Variants in CDC14B observed in about 807,000 individuals in gnomAD.
The protein encoded by CDC14B is cell division cycle 14B.
CDC14B carries 22 observed loss-of-function variants against 64.2 expected under a neutral mutation model. The observed-to-expected ratio is 0.34, with a 90% CI of 0.24 to 0.49. The LOEUF is 0.49. CDC14B is among the 20% of genes least tolerant of loss of function. The pLI is 0.99. For synonymous variants in CDC14B, 191 were observed against 215.8 expected, an observed-to-expected ratio of 0.89 and a Z score of 1.01; for missense variants, 498 against 629.9, an observed-to-expected ratio of 0.79 and a Z score of 2.24.
intron 3 of CDC14B, among the ~76,000 whole-genome samples, chr9:96,564,169 C>T (rs978428227): frequency 6.6e-6 from 1 of 152,026 alleles, no homozygotes; most frequent in Non-Finnish European, 1.5e-5. Context: ...AACTTCCTAC[C>T]GTGCATGGCC....
intron 1 of CDC14B, among the ~76,000 whole-genome samples, chr9:96,588,455 T>C (rs1845580936): frequency 6.6e-6 from 1 of 152,224 alleles, no homozygotes; most frequent in Non-Finnish European, 1.5e-5. Context: ...GAGTTAGTTT[T>C]ATCCAGAATA....
intron 1 of CDC14B, among the ~76,000 whole-genome samples, chr9:96,617,783 G>C (rs1847724112): frequency 6.6e-6 from 1 of 152,142 alleles, no homozygotes; most frequent in Non-Finnish European, 1.5e-5. Flanking sequence ...TTGGAGTTCT[G>C]TACCATGTAA....
At chr9:96,524,064 G>A (rs1162531572) in intron 9 of CDC14B, among the ~76,000 whole-genome samples, 3 of 152,160 alleles carry the variant, frequency 2.0e-5, no homozygotes, top group Non-Finnish European at 2.9e-5. Flanking sequence ...AGCCTCCCAA[G>A]TAGCTGGGAT....
chr9:96,530,380 C>A (rs1370063245), intron 9 of CDC14B, among the ~76,000 whole-genome samples: 1 of 151,384 alleles, frequency 6.6e-6, no homozygotes, highest in African/African-American at 2.4e-5. Flanking sequence ...GCAACCTCCA[C>A]CTCCCAGATT....
chr9:96,548,987 G>T (rs1253699269), intron 5 of CDC14B, among the ~76,000 whole-genome samples: 1 of 152,128 alleles, frequency 6.6e-6, no homozygotes, highest in Non-Finnish European at 1.5e-5. Context: ...AAGATACAAA[G>T]AATATAATGT....
intron 5 of CDC14B, among the ~76,000 whole-genome samples, chr9:96,543,070 C>G (rs1471604072): frequency 1.3e-5 from 2 of 151,992 alleles, no homozygotes; most frequent in East Asian, 3.9e-4. Flanking sequence ...GGCACAGTGG[C>G]TAACGCCTGT....
chr9:96,559,565 C>CAGG, intron 4 of CDC14B, among the ~76,000 whole-genome samples: 1 of 152,272 alleles, frequency 6.6e-6, no homozygotes, highest in East Asian at 1.9e-4. Context: ...TTCAGGTGTC[C>CAGG]ATATTATATC....
At chr9:96,609,649 A>G (rs1847184913) in intron 1 of CDC14B, among the ~76,000 whole-genome samples, 1 of 152,236 alleles carries the variant, frequency 6.6e-6, no homozygotes, top group Non-Finnish European at 1.5e-5. Flanking sequence ...GGCTTTGCAG[A>G]ATTCAGAATT....
intron 1 of CDC14B, among the ~76,000 whole-genome samples, chr9:96,593,451 C>T (rs1396499686): frequency 1.4e-5 from 2 of 146,326 alleles, no homozygotes; most frequent in Admixed American, 1.4e-4. Context: ...GGCACCACTG[C>T]ACTCCAGAAC....
chr9:96,496,987 C>T (rs1186895210), downstream of CDC14B, among the ~76,000 whole-genome samples: 1 of 152,238 alleles, frequency 6.6e-6, no homozygotes, highest in African/African-American at 2.4e-5. Flanking sequence ...ACGCTGCATT[C>T]CCCGGAGTCC....
At chr9:96,498,407 A>C (rs1317163612), downstream of CDC14B, among the ~76,000 whole-genome samples, 4 of 152,202 alleles carry the variant, frequency 2.6e-5, no homozygotes, top group Admixed American at 2.0e-4. Flanking sequence ...TGCACTTTCC[A>C]CGGCAACTTG....
At chr9:96,614,287 G>C (rs1425947264) in intron 1 of CDC14B, among the ~76,000 whole-genome samples, 2 of 151,072 alleles carry the variant, frequency 1.3e-5, no homozygotes, top group Non-Finnish European at 2.9e-5. Flanking sequence ...TTTTGCCCAG[G>C]CTAGAGTGCT....
intron 3 of CDC14B, among the ~76,000 whole-genome samples, chr9:96,563,779 A>T (rs977102557): frequency 6.6e-6 from 1 of 152,194 alleles, no homozygotes; most frequent in Non-Finnish European, 1.5e-5. Flanking sequence ...ATTAAAGCAA[A>T]GGAACAAATG....
intron 5 of CDC14B, 149 bp downstream of exon 5, chr9:96,551,647 G>A (rs1171921995): frequency 1.8e-6 from 2 of 1,099,812 alleles, no homozygotes; most frequent in Admixed American, 2.9e-5. Context: ...CGTCAACAGT[G>A]TCACTGTGGA....
At chr9:96,533,885 C>T in intron 9 of CDC14B, 42 bp downstream of exon 9, 1 of 1,251,978 alleles carries the variant, frequency 8.0e-7, no homozygotes, top group Non-Finnish European at 1.1e-6. Context: ...TATTCATATA[C>T]TCATACTGTA....
chr9:96,518,813 CT>C (rs1836173538), intron 12 of CDC14B, among the ~76,000 whole-genome samples: 1 of 152,136 alleles, frequency 6.6e-6, no homozygotes, highest in African/African-American at 2.4e-5. Context: ...TAGATGGTTA[CT>C]TTTTCCTCTA....
intron 4 of CDC14B, among the ~76,000 whole-genome samples, chr9:96,554,262 G>A (rs1587943523): frequency 6.6e-6 from 1 of 152,268 alleles, no homozygotes; most frequent in African/African-American, 2.4e-5. Flanking sequence ...AATAGAGTCT[G>A]ATTCATCTGT....
intron 7 of CDC14B, among the ~76,000 whole-genome samples, chr9:96,534,991 AC>A (rs1483618134): frequency 6.6e-6 from 1 of 152,170 alleles, no homozygotes; most frequent in African/African-American, 2.4e-5. Flanking sequence ...AAAACTATCT[AC>A]TTAGGTTTCT....
Position 96,523,368 on chromosome 9 carries a change from C to T in CDC14B, c.1138G>A (p.Gly380Arg), listed in dbSNP as rs145918500. Residue 380 changes from glycine (G) to arginine (R), a missense_variant, in exon 11 of 14, where the codon GGG becomes AGG. Coordinates refer to ENST00000375241, the MANE Select transcript of CDC14B (RefSeq NM_033331.4). Reference sequence around the variant, plus strand: ...GCTCTGTGTTGTCCATTCTCCTGCCCCTTTAACTTCTGACGAAAATAGTCC... The same window carrying T: ...GCTCTGTGTTGTCCATTCTCCTGCCTCTTTAACTTCTGACGAAAATAGTCC... ...EGDYFRQKLK[G>R]QENGQHRAAF... 2.2e-4 allele frequency: 352 copies of T among 1,614,126 alleles called. 1 individual carries two copies. In the African/African-American group the frequency reaches 3.7e-3, roughly 17 times the overall value.
Sources: gnomAD v4.1 joint callset for allele counts (sites outside exome capture counted in the v4.1 genomes callset) on GRCh38, gnomAD v4.1.1 for gene constraint, MANE v1.5 for transcripts, NCBI Gene and HGNC (gene_info 2026-07-23, HGNC 2026-07-21) for gene names.